The following PRR5L variants were observed in gnomAD, a reference collection of about 807,000 sequenced individuals.
PRR5L encodes the protein proline rich 5 like.
In PRR5L, 21 loss-of-function variants were observed where a neutral mutation model predicts 36.4. The observed-to-expected ratio is 0.58, with a 90% confidence interval of 0.41 to 0.83. PRR5L has a LOEUF of 0.83. Ranked by LOEUF, PRR5L falls within the 40% of genes least tolerant of loss-of-function variation. The pLI is 0.00. For missense variants in PRR5L, 381 were observed against 473.3 expected (o/e 0.80, Z 1.81); for synonymous variants, 188 against 197.0 (o/e 0.95, Z 0.38).
chr11:36,389,776 C>T (rs1176465194), intron 1 of PRR5L, among the ~76,000 whole-genome samples: 2 of 152,136 alleles, frequency 1.3e-5, no homozygotes, highest in Non-Finnish European at 2.9e-5. Flanking sequence ...CCATACCTGG[C>T]TAGTTTTGTA....
rs116180467 is a variant in PRR5L at position 36,371,126 on chromosome 11, A to G, written c.-125-29871A>G. Among the ~76,000 whole-genome samples, 580 of 152,322 alleles carry G rather than the reference A, an allele frequency of 3.8e-3. 7 individuals are homozygous for G. Among genetic ancestry groups the G allele is most frequent in the African/African-American group, 0.013 (548 of 41,566 alleles). On this transcript the variant is annotated intron_variant, in intron 1 of 8. Transcript: ENST00000530639. ...ACATACCAGAAATACCCCATTGCTAACAAGAGAAGGATGAAAGGGACTAAA... is the reference window on the plus strand; with the variant it reads ...ACATACCAGAAATACCCCATTGCTAGCAAGAGAAGGATGAAAGGGACTAAA...
intron 1 of PRR5L, among the ~76,000 whole-genome samples, chr11:36,381,237 C>T (rs1857362631): frequency 6.6e-6 from 1 of 152,174 alleles, no homozygotes; most frequent in African/African-American, 2.4e-5. Flanking sequence ...CTTTCTCCAA[C>T]TTTGCTGGTT....
intron 6 of PRR5L, among the ~76,000 whole-genome samples, chr11:36,443,331 C>T (rs1315354692): frequency 6.6e-6 from 1 of 152,164 alleles, no homozygotes. Context: ...GGCACCTAAG[C>T]CATTCATGAG....
intron 3 of PRR5L, among the ~76,000 whole-genome samples, chr11:36,408,370 A>G (rs1036688418): frequency 6.6e-6 from 1 of 152,046 alleles, no homozygotes; most frequent in Admixed American, 6.5e-5. Context: ...TGGTCTATTG[A>G]TATGAAAACC....
intron 1 of PRR5L, chr11:36,329,095 TTTTTTTTC>T (rs1157961206): frequency 6.6e-6 from 1 of 151,478 alleles, no homozygotes; most frequent in Admixed American, 6.6e-5. Context: ...AATAAACTCA[TTTTTTTTC>T]TTTTTTTCTT....
chr11:36,442,131 T>C (rs1421945237), intron 6 of PRR5L, among the ~76,000 whole-genome samples: 3 of 152,314 alleles, frequency 2.0e-5, no homozygotes. Context: ...CAAATCTCTC[T>C]AGGAAGTGAT....
intron 1 of PRR5L, among the ~76,000 whole-genome samples, chr11:36,345,259 A>T (rs915648377): frequency 2.0e-5 from 3 of 152,160 alleles, no homozygotes; most frequent in African/African-American, 7.2e-5. Flanking sequence ...GTCCTTTGGA[A>T]CAGCAGGCAC....
intron 1 of PRR5L, among the ~76,000 whole-genome samples, chr11:36,389,506 T>C (rs1038693724): frequency 6.6e-6 from 1 of 152,044 alleles, no homozygotes; most frequent in African/African-American, 2.4e-5. Flanking sequence ...TCAGAGCCTA[T>C]GAGGAACATA....
chr11:36,457,288 G>A lies in PRR5L; in HGVS notation c.713-5054G>A, dbSNP rs112352318. On this transcript the variant is annotated intron_variant, in intron 8 of 8. Transcript: ENST00000530639. ...TCTTTCCAGATACCCCTTCCCCAAA[G>A]AGAGGAGTCTCCCATACTCTTATAA... Among the ~76,000 whole-genome samples, 1,344 of 152,216 alleles carry A rather than the reference G, an allele frequency of 8.8e-3. 20 individuals carry two copies. Among genetic ancestry groups the A allele is most frequent in the African/African-American group, 0.031 (1,278 of 41,516 alleles).
At chr11:36,352,318 G>A (rs1218442927) in intron 1 of PRR5L, among the ~76,000 whole-genome samples, 2 of 151,614 alleles carry the variant, frequency 1.3e-5, no homozygotes, top group African/African-American at 4.8e-5. Context: ...ATTTGTTTGA[G>A]TTCCTTGTAG....
chr11:36,376,204 T>G (rs1857255725), intron 1 of PRR5L: 1 of 1,294,444 alleles, frequency 7.7e-7, no homozygotes, highest in African/African-American at 1.5e-5. Context: ...AGGGTGAGAG[T>G]TGCTGAAGGG....
At chr11:36,371,338 A>G (rs1857195378) in intron 1 of PRR5L, among the ~76,000 whole-genome samples, 2 of 152,244 alleles carry the variant, frequency 1.3e-5, no homozygotes, top group South Asian at 4.1e-4. Flanking sequence ...GATGCTGAGC[A>G]TATTTCTCAA....
chr11:36,309,743 GA>G (rs779065610), intron 1 of PRR5L, among the ~76,000 whole-genome samples: 40 of 148,422 alleles, frequency 2.7e-4, no homozygotes, highest in Non-Finnish European at 5.1e-4. Flanking sequence ...GCTGTGATCT[GA>G]AAGCCACAAT....
At chr11:36,299,911 C>T (rs955938636) in intron 1 of PRR5L, among the ~76,000 whole-genome samples, 5 of 152,120 alleles carry the variant, frequency 3.3e-5, no homozygotes, top group African/African-American at 4.8e-5. Context: ...AACACTTCAT[C>T]GCTGCTTGCA....
At chr11:36,456,572 A>C (rs1859062535) in intron 8 of PRR5L, among the ~76,000 whole-genome samples, 1 of 152,196 alleles carries the variant, frequency 6.6e-6, no homozygotes, top group Admixed American at 6.5e-5. Context: ...ACCTGTTCTA[A>C]CAGTTATTTG....
intron 1 of PRR5L, among the ~76,000 whole-genome samples, chr11:36,296,785 G>A (rs11033537): frequency 0.13 from 20,287 of 152,146 alleles, 1,553 homozygotes; most frequent in East Asian, 0.23. Context: ...ACCTATTACT[G>A]TATGTCTCTC....
rs544470358 is a variant in PRR5L at position 36,307,664 on chromosome 11, C to CA, written c.-126+11233dup. 1.7e-3 allele frequency among the ~76,000 whole-genome samples: 254 copies of CA among 152,240 alleles called. 1 individual carries two copies. The highest frequency in any genetic ancestry group is 3.4e-3 in the Middle Eastern group (1 of 294). On this transcript the variant is annotated intron_variant, in intron 1 of 8. Coordinates refer to ENST00000530639, the MANE Select transcript of PRR5L (RefSeq NM_001160167.2). ...CTTTCCTTCTGAAAGCAGCCACCAA[C>CA]AAAAAAATCTGAAAGAATACGCACA...
chr11:36,424,110 A>T (rs1858329507), intron 4 of PRR5L, among the ~76,000 whole-genome samples: 1 of 152,236 alleles, frequency 6.6e-6, no homozygotes, highest in African/African-American at 2.4e-5. Context: ...CTTGACATTG[A>T]TGACCACAGG....
At chr11:36,416,159 A>G (rs765539) in intron 3 of PRR5L, among the ~76,000 whole-genome samples, 23,168 of 152,138 alleles carry the variant, frequency 0.15, 2,510 homozygotes, top group African/African-American at 0.31. Context: ...GTTGATTTCT[A>G]TATTTTGCTG....
Sources: allele counts gnomAD v4.1 joint callset (sites outside exome capture counted in the v4.1 genomes callset), GRCh38; gene constraint gnomAD v4.1.1; transcripts MANE v1.5; gene names NCBI Gene and HGNC (gene_info 2026-07-23, HGNC 2026-07-21).